Variants in NOP9 observed in about 807,000 individuals in gnomAD.
NOP9 encodes the protein nucleolar protein 9.
In NOP9, 50 loss-of-function variants were observed where a neutral mutation model predicts 63.0. The observed-to-expected ratio is 0.79, with a 90% CI of 0.63 to 1.00. The LOEUF (loss-of-function observed/expected upper bound fraction) is 1.00, where lower values mean the gene tolerates loss of function less well. Ranked by LOEUF, NOP9 falls within the 50% of genes least tolerant of loss-of-function variation. The pLI, the probability that NOP9 is intolerant of heterozygous loss-of-function variation, is 0.00. For missense variants in NOP9, 758 were observed against 803.0 expected, an observed-to-expected ratio of 0.94 and a Z score of 0.68; for synonymous variants, 343 against 332.8, an observed-to-expected ratio of 1.03 and a Z score of -0.33.
At chr14:24,283,083 C>T in the NOP9 span, among the ~76,000 whole-genome samples, 1 of 152,242 alleles carries the variant, frequency 6.6e-6, no homozygotes, top group Non-Finnish European at 1.5e-5. Flanking sequence ...TGGCTTTTAG[C>T]AGCACAAGGC....
At chr14:24,286,774 A>G in the NOP9 span, among the ~76,000 whole-genome samples, 53,814 of 150,796 alleles carry the variant, frequency 0.36, 10,719 homozygotes, top group East Asian at 0.71. Flanking sequence ...TTGTATTTTT[A>G]GTAGAGTCGG....
the NOP9 span, chr14:24,291,523 C>A: frequency 6.2e-7 from 1 of 1,610,854 alleles, no homozygotes; most frequent in Non-Finnish European, 8.5e-7. Flanking sequence ...TCCTCCATGC[C>A]CTTTCTTATT....
chr14:24,305,924 A>G lies in NOP9; in HGVS notation c.*829A>G. ...ACTATCCAACTGTAGGGGATGGGGC[A>G]GTATGACATGTTGATTTCTGACCTG... On this transcript the variant is annotated 3_prime_UTR_variant, in exon 10 of 10. Transcript: ENST00000267425. 6.2e-7 allele frequency: 1 copy of G among 1,607,458 alleles called. No individual in the cohort carries two copies. Among genetic ancestry groups the G allele is most frequent in the East Asian group, 2.2e-5 (1 of 44,852 alleles).
chr14:24,287,717 C>T, the NOP9 span, among the ~76,000 whole-genome samples: 2 of 152,196 alleles, frequency 1.3e-5, no homozygotes, highest in East Asian at 1.9e-4. Flanking sequence ...CTCCACCCCT[C>T]GCCCATCCTT....
the NOP9 span, among the ~76,000 whole-genome samples, chr14:24,275,427 C>G: frequency 1.8e-4 from 27 of 152,300 alleles, 1 homozygote; most frequent in Non-Finnish European, 2.5e-4. Flanking sequence ...CACACATCTT[C>G]GAGATTCAGA....
upstream of NOP9, chr14:24,299,760 CG>C: frequency 1.6e-6 from 1 of 616,478 alleles, no homozygotes; most frequent in East Asian, 3.0e-5. Flanking sequence ...TTAGAACCTG[CG>C]GATGGGGGCG....
chr14:24,292,889 G>A, the NOP9 span: 1 of 1,438,040 alleles, frequency 7.0e-7, no homozygotes, highest in East Asian at 2.5e-5. Flanking sequence ...TTGTCCACTA[G>A]GAAGGCTACA....
chr14:24,275,559 A>G, the NOP9 span, among the ~76,000 whole-genome samples: 1 of 152,146 alleles, frequency 6.6e-6, no homozygotes, highest in Non-Finnish European at 1.5e-5. Context: ...TGCTCCCAAC[A>G]TACATACACA....
At chr14:24,276,447 G>A in the NOP9 span, among the ~76,000 whole-genome samples, 1 of 151,244 alleles carries the variant, frequency 6.6e-6, no homozygotes, top group Non-Finnish European at 1.5e-5. Context: ...GCCCATGCCT[G>A]GCAAATTTAA....
the NOP9 span, among the ~76,000 whole-genome samples, chr14:24,282,622 A>G: frequency 6.6e-6 from 1 of 152,116 alleles, no homozygotes; most frequent in Non-Finnish European, 1.5e-5. Flanking sequence ...TCTAATGAGG[A>G]GGTAGCCAAG....
In NOP9 at chr14:24,306,287, C is replaced by A; in HGVS notation, c.*1192C>A. 1.3e-6 allele frequency: 2 copies of A among 1,565,928 alleles called. No homozygotes were observed. The highest frequency in any genetic ancestry group is 2.3e-5 in the South Asian group (2 of 88,196). On this transcript the variant is annotated 3_prime_UTR_variant, in exon 10 of 10. Coordinates refer to ENST00000267425, the MANE Select transcript of NOP9 (RefSeq NM_174913.3). ...TTCCACAACTCCTCCTGCACCTGGTCCCCAGGATCAGGGTTAAGCTAGAGA... is the reference window on the plus strand; with the variant it reads ...TTCCACAACTCCTCCTGCACCTGGTACCCAGGATCAGGGTTAAGCTAGAGA...
chr14:24,304,478 C>T lies in NOP9; in HGVS notation c.1648-15C>T, dbSNP rs2041441158. ...GATTTTGCTAGGGAGACCTACTTTG[C>T]TTGTCTCCATACAGGGACAATATGT... is the stretch of plus-strand genomic sequence containing the variant. On this transcript the variant is annotated splice_polypyrimidine_tract_variant and intron_variant, in intron 8 of 9. Coordinates refer to ENST00000267425, the MANE Select transcript of NOP9 (RefSeq NM_174913.3). 5.1e-6 allele frequency: 8 copies of T among 1,582,852 alleles called. No individual in the cohort carries two copies. The highest frequency in any genetic ancestry group is 6.9e-6 in the Non-Finnish European group (8 of 1,166,160).
At position 24,305,526 on chromosome 14, in the gene NOP9, G is replaced by T; in HGVS notation, c.*431G>T. 1 of 1,379,902 alleles carries T rather than the reference G, an allele frequency of 7.2e-7. No homozygotes were observed. Among genetic ancestry groups the T allele is most frequent in the South Asian group, 1.4e-5 (1 of 71,698 alleles). The allele number at this position is 1,379,902 out of a possible 1,614,324, so 85.5% of individuals were successfully genotyped here. A position where few individuals can be genotyped will look rare whatever the true frequency, so the allele number is the denominator to read the frequency against. ...GGATCAGAGGACAGTGGGGAAATTG[G>T]GTGGGTTATCTAGCCTGTACTGTCT... On this transcript the variant is annotated 3_prime_UTR_variant, in exon 10 of 10. Coordinates refer to ENST00000267425, the MANE Select transcript of NOP9 (RefSeq NM_174913.3).
rs2041395172 is a variant in NOP9, at chr14:24,302,415, C to CCCTGAGCTGGTGAGTTGGAAA, written c.1143+2_1143+22dup. 1 of 1,607,406 alleles carries CCCTGAGCTGGTGAGTTGGAAA rather than the reference C, an allele frequency of 6.2e-7. No individual in the cohort carries two copies. Among genetic ancestry groups the CCCTGAGCTGGTGAGTTGGAAA allele is most frequent in the Non-Finnish European group, 8.5e-7 (1 of 1,175,016 alleles). On this transcript the variant is annotated inframe_insertion, in exon 5 of 10. Coordinates refer to ENST00000267425, the MANE Select transcript of NOP9 (RefSeq NM_174913.3). Reference sequence around the variant, plus strand: ...AGCGCTTACTGGATGCAGTCACTACCCCTGAGCTGGTGAGTTGGAAACCTG... The same window carrying CCCTGAGCTGGTGAGTTGGAAA: ...AGCGCTTACTGGATGCAGTCACTACCCCTGAGCTGGTGAGTTGGAAACCTGAGCTGGTGAGTTGGAAACCTG...
At position 24,306,634 on chromosome 14, in the gene NOP9, A is replaced by C. The variant is rs1405001836; in HGVS notation, c.*1539A>C. The stretch of plus-strand genomic sequence containing the variant: ...AGACATTGGTCGATGTCCCACTTTG[A>C]CTTTCCGGCACTTTGATACCTCCTA... On this transcript the variant is annotated 3_prime_UTR_variant, in exon 10 of 10. Coordinates refer to ENST00000267425, the MANE Select transcript of NOP9 (RefSeq NM_174913.3). 1.5e-6 allele frequency: 2 copies of C among 1,365,924 alleles called. No homozygotes were observed. Among genetic ancestry groups the C allele is most frequent in the Non-Finnish European group, 2.0e-6 (2 of 977,644 alleles). 84.6% of individuals were successfully genotyped at this position (1,365,924 alleles called of 1,614,324 possible).
At chr14:24,272,019 C>T in the NOP9 span, among the ~76,000 whole-genome samples, 2 of 152,222 alleles carry the variant, frequency 1.3e-5, no homozygotes, top group African/African-American at 4.8e-5. Flanking sequence ...TTCACCTCCA[C>T]CCCTAAATGT....
chr14:24,275,098 G>C, the NOP9 span, among the ~76,000 whole-genome samples: 1 of 151,458 alleles, frequency 6.6e-6, no homozygotes, highest in South Asian at 2.1e-4. Flanking sequence ...TTTTTGTAGA[G>C]ACAGGGTTTC....
the NOP9 span, among the ~76,000 whole-genome samples, chr14:24,273,963 T>C: frequency 1.2e-4 from 19 of 152,216 alleles, no homozygotes; most frequent in Non-Finnish European, 1.8e-4. Flanking sequence ...AAAGAATCTA[T>C]GTAAAGTGCT....
In NOP9 at chr14:24,307,386, C is replaced by T. The variant is rs1036340627; in HGVS notation, c.*2291C>T. On this transcript the variant is annotated 3_prime_UTR_variant, in exon 10 of 10. Transcript: ENST00000267425. The stretch of plus-strand genomic sequence containing the variant: ...GCCTACTTACTTTGGCTAGCAGCTC[C>T]TGGCGGGTGGCAGCTGTCAGGCCTT... 2.5e-6 allele frequency: 4 copies of T among 1,613,764 alleles called. No individual in the cohort carries two copies. Among genetic ancestry groups the T allele is most frequent in the Non-Finnish European group, 3.4e-6 (4 of 1,179,810 alleles).
Sources: gnomAD v4.1 joint callset for allele counts (sites outside exome capture counted in the v4.1 genomes callset) on GRCh38, gnomAD v4.1.1 for gene constraint, MANE v1.5 for transcripts, NCBI Gene and HGNC (gene_info 2026-07-23, HGNC 2026-07-21) for gene names.